USH2A: variants seen among roughly 807,000 people sequenced by gnomAD.
USH2A encodes the protein Usher syndrome 2A (autosomal recessive, mild).
In USH2A, 443 loss-of-function variants were observed where a neutral mutation model predicts 538.9. The ratio of observed to expected loss-of-function variants is 0.82; its 90% confidence interval spans 0.76 to 0.89. USH2A has a LOEUF of 0.89. Among genes scored for constraint, USH2A ranks in the 40% least tolerant of loss-of-function variants. The pLI is 0.00. For synonymous variants in USH2A, 2,413 were observed against 2,273.5 expected, an observed-to-expected ratio of 1.06 and a Z score of -1.75; for missense variants, 6,633 against 6,324.8, an observed-to-expected ratio of 1.05 and a Z score of -1.65.
intron 58 of USH2A, among the ~76,000 whole-genome samples, chr1:215,746,778 A>G (rs992458694): frequency 2.0e-5 from 3 of 152,164 alleles, no homozygotes; most frequent in African/African-American, 7.2e-5. Context: ...TGGTTTCCTT[A>G]TATATCTTTT....
intron 55 of USH2A, among the ~76,000 whole-genome samples, chr1:215,777,653 T>C (rs1661503085): frequency 6.6e-6 from 1 of 152,246 alleles, no homozygotes; most frequent in Admixed American, 6.5e-5. Context: ...CAGTCTTCCC[T>C]GTACGTGAGA....
intron 3 of USH2A, among the ~76,000 whole-genome samples, chr1:216,369,572 C>T (rs1305799097): frequency 2.0e-5 from 3 of 152,108 alleles, no homozygotes; most frequent in Non-Finnish European, 4.4e-5. Flanking sequence ...CTCCAATAAT[C>T]CTTTGCCACC....
intron 44 of USH2A, among the ~76,000 whole-genome samples, chr1:215,847,763 A>T (rs941614425): frequency 6.6e-6 from 1 of 152,176 alleles, no homozygotes; most frequent in South Asian, 2.1e-4. Flanking sequence ...AGATCCCAGC[A>T]TATGGCCATA....
In USH2A at chr1:216,247,234, T is replaced by TA. The variant is rs1431123329; in HGVS notation, c.2168-9dup. On this transcript the variant is annotated splice_polypyrimidine_tract_variant and intron_variant, in intron 12 of 71. Transcript: ENST00000307340. The stretch of plus-strand genomic sequence containing the variant: ...AATGATCACACCTAAGCCCTAAAGA[T>TA]AAAATATATTTAAAAGGTGAGGATG... 1.9e-6 allele frequency: 3 copies of TA among 1,613,492 alleles called. No individual in the cohort carries two copies. Among genetic ancestry groups the TA allele is most frequent in the Non-Finnish European group, 2.5e-6 (3 of 1,179,776 alleles).
chr1:215,729,415 A>G (rs569924663), intron 60 of USH2A, among the ~76,000 whole-genome samples: 36 of 152,216 alleles, frequency 2.4e-4, no homozygotes, highest in Non-Finnish European at 4.1e-4. Flanking sequence ...TTATACATCA[A>G]GACCACTGTT....
At chr1:216,309,164 T>C (rs1452533578) in intron 9 of USH2A, among the ~76,000 whole-genome samples, 1 of 152,218 alleles carries the variant, frequency 6.6e-6, no homozygotes, top group Admixed American at 6.5e-5. Flanking sequence ...AATTATGGAC[T>C]GATTAGAAAC....
At chr1:216,364,715 C>T (rs910046943) in intron 4 of USH2A, among the ~76,000 whole-genome samples, 1 of 152,080 alleles carries the variant, frequency 6.6e-6, no homozygotes, top group Non-Finnish European at 1.5e-5. Context: ...ATAGATTTGC[C>T]CTCAGAGCCT....
intron 11 of USH2A, among the ~76,000 whole-genome samples, chr1:216,262,078 A>G (rs1023824040): frequency 2.6e-5 from 4 of 152,166 alleles, no homozygotes; most frequent in Admixed American, 6.6e-5. Flanking sequence ...ATCTTTCCCT[A>G]TAAGCGCTAG....
chr1:216,421,671 T>C (rs1324114358), intron 2 of USH2A, among the ~76,000 whole-genome samples, 181 bp downstream of exon 2: 1 of 152,164 alleles, frequency 6.6e-6, no homozygotes, highest in Non-Finnish European at 1.5e-5. Context: ...TTTTTTTTCA[T>C]GGTCCATTTC....
chr1:216,102,661 G>C (rs1054717500), intron 21 of USH2A, among the ~76,000 whole-genome samples: 1 of 151,972 alleles, frequency 6.6e-6, no homozygotes, highest in Non-Finnish European at 1.5e-5. Flanking sequence ...TTAGCCGGGC[G>C]TCGTGGCGGG....
At chr1:216,391,098 A>G (rs2039099298) in intron 3 of USH2A, among the ~76,000 whole-genome samples, 2 of 152,326 alleles carry the variant, frequency 1.3e-5, no homozygotes, top group African/African-American at 2.4e-5. Flanking sequence ...CAAGCCTCTA[A>G]CCACAGAGTT....
intron 33 of USH2A, among the ~76,000 whole-genome samples, chr1:216,000,014 C>T (rs1235531984): frequency 2.0e-5 from 3 of 152,214 alleles, no homozygotes; most frequent in Non-Finnish European, 2.9e-5. Context: ...ATATGTGAAA[C>T]TTCCTTTCTG....
chr1:215,844,447 A>AGCT lies in USH2A; in HGVS notation c.9102_9104dup (p.Ala3035dup). ...AAGGAGATGTCCAGATGACACGTACAGCTGTACTGTTGATGATGACAACCT... is the reference window on the plus strand; with the variant it reads ...AAGGAGATGTCCAGATGACACGTACAGCTGCTGTACTGTTGATGATGACAACCT... On this transcript the variant is annotated inframe_insertion, in exon 46 of 72. Coordinates refer to ENST00000307340, the MANE Select transcript of USH2A (RefSeq NM_206933.4). 5 of 1,612,812 alleles carry AGCT rather than the reference A, an allele frequency of 3.1e-6. No individual in the cohort carries two copies. Among genetic ancestry groups the AGCT allele is most frequent in the Non-Finnish European group, 4.2e-6 (5 of 1,179,848 alleles).
At chr1:216,014,498 T>C (rs148677144) in intron 32 of USH2A, among the ~76,000 whole-genome samples, 119 of 152,334 alleles carry the variant, frequency 7.8e-4, no homozygotes, top group African/African-American at 2.8e-3. Flanking sequence ...GCAACACAAA[T>C]GGATCAACGG....
chr1:216,149,701 C>T (rs549105031), intron 21 of USH2A, among the ~76,000 whole-genome samples: 1 of 152,246 alleles, frequency 6.6e-6, no homozygotes, highest in African/African-American at 2.4e-5. Context: ...CGCCAGGCTG[C>T]TAATCTTCTC....
intron 41 of USH2A, 118 bp downstream of exon 41, chr1:215,888,308 G>T: frequency 6.6e-7 from 1 of 1,507,960 alleles, no homozygotes; most frequent in Non-Finnish European, 9.0e-7. Flanking sequence ...AGTTTCTCCA[G>T]TGAATGCCTA....
intron 49 of USH2A, 105 bp downstream of exon 49, chr1:215,813,631 A>G: frequency 7.0e-7 from 1 of 1,427,528 alleles, no homozygotes; most frequent in Non-Finnish European, 9.9e-7. Context: ...TTATGGTTCA[A>G]TTTTTGTTGA....
chr1:215,896,241 A>G (rs1322944094), intron 40 of USH2A, among the ~76,000 whole-genome samples: 1 of 152,124 alleles, frequency 6.6e-6, no homozygotes, highest in African/African-American at 2.4e-5. Context: ...TTGGGAAACG[A>G]TCAAACATTT....
chr1:215,745,820 T>C (rs1660454450), intron 58 of USH2A, among the ~76,000 whole-genome samples: 1 of 152,122 alleles, frequency 6.6e-6, no homozygotes, highest in South Asian at 2.1e-4. Flanking sequence ...AATGACAAGA[T>C]AGGTTTGAGA....
Sources: allele counts gnomAD v4.1 joint callset (sites outside exome capture counted in the v4.1 genomes callset), GRCh38; gene constraint gnomAD v4.1.1; transcripts MANE v1.5; gene names NCBI Gene and HGNC (gene_info 2026-07-23, HGNC 2026-07-21).